The following POLR3E variants were observed in gnomAD, a reference collection of about 807,000 sequenced individuals.
The protein encoded by POLR3E is RNA polymerase III subunit E.
POLR3E carries 41 observed loss-of-function variants against 96.6 expected under a neutral mutation model. The ratio of observed to expected loss-of-function variants is 0.42; its 90% CI spans 0.33 to 0.55. The LOEUF is 0.55. Among genes scored for constraint, POLR3E ranks in the 20% least tolerant of loss-of-function variants. The pLI is 0.06. For synonymous variants in POLR3E, 396 were observed against 383.6 expected (o/e 1.03, Z -0.38); for missense variants, 849 against 952.1 (o/e 0.89, Z 1.43).
chr16:22,327,840 T>G (rs2048636448), intron 18 of POLR3E: 1 of 152,256 alleles, frequency 6.6e-6, no homozygotes, highest in Non-Finnish European at 1.5e-5. Context: ...TGCAAATGTG[T>G]ATTGGAGGCC....
Position 22,317,209 on chromosome 16 carries a change from G to A in POLR3E, c.865+3G>A. Reference sequence around the variant, plus strand: ...GATCAAGATCCTGATGAAGAATGGTGGGTGCCTACCCCCTGCCCACCCGGG... The same window carrying A: ...GATCAAGATCCTGATGAAGAATGGTAGGTGCCTACCCCCTGCCCACCCGGG... On this transcript the variant is annotated splice_donor_region_variant and intron_variant, in intron 12 of 20. Transcript: ENST00000299853. 1.2e-6 allele frequency: 2 copies of A among 1,609,926 alleles called. No homozygotes were observed. Among genetic ancestry groups the A allele is most frequent in the South Asian group, 1.1e-5 (1 of 91,040 alleles).
Position 22,333,672 on chromosome 16 carries a change from GGTACCTT to G in POLR3E, c.2100_2106del (p.Trp700Ter). Reference sequence around the variant, plus strand: ...TGCTGTGTAAGCTATGGTGGCATGTGGTACCTTAAAGGGACAGTACAGTCTTGACAAT... The same window carrying G: ...TGCTGTGTAAGCTATGGTGGCATGTGAAAGGGACAGTACAGTCTTGACAAT... On this transcript the variant is annotated frameshift_variant, in exon 21 of 21. Transcript: ENST00000299853. LOFTEE classifies it high-confidence loss of function. 2 of 1,611,562 alleles carry G rather than the reference GGTACCTT, an allele frequency of 1.2e-6. No individual in the cohort carries two copies. Among genetic ancestry groups the G allele is most frequent in the Non-Finnish European group, 1.7e-6 (2 of 1,177,726 alleles).
chr16:22,319,690 T>G (rs1306023292), intron 13 of POLR3E, among the ~76,000 whole-genome samples: 5 of 152,176 alleles, frequency 3.3e-5, no homozygotes, highest in African/African-American at 1.2e-4. Flanking sequence ...TGAGCCACTG[T>G]GCCTGGCCGC....
Position 22,334,491 on chromosome 16 carries a change from C to T in POLR3E, c.*791C>T, listed in dbSNP as rs900248092. On this transcript the variant is annotated 3_prime_UTR_variant, in exon 21 of 21. Transcript: ENST00000299853. ...GTTACAGGAAGGCGATCTTGTTGGG[C>T]TCAGCGTTACGTGTATCTAGAGGGA... The T allele has an allele frequency of 1.3e-5, 2 of 152,146 alleles. No individual in the cohort carries two copies. Among genetic ancestry groups the T allele is most frequent in the Admixed American group, 6.6e-5 (1 of 15,262 alleles). 9.4% of individuals were successfully genotyped at this position (152,146 alleles called of 1,614,324 possible).
In POLR3E at chr16:22,316,623, G is replaced by A. The variant is rs139996135; in HGVS notation, c.665G>A (p.Arg222His). Residue 222 changes from arginine to histidine, a missense_variant, in exon 10 of 21, where the codon CGT becomes CAT. Coordinates refer to ENST00000299853, the MANE Select transcript of POLR3E (RefSeq NM_018119.4). Reference protein sequence around the residue: ...GLRDSRSEHERQYLLCPGSSG... With the variant: ...GLRDSRSEHEHQYLLCPGSSG... ...CAGGACAGTCGCTCTGAGCATGAGC[G>A]TCAGTACCTGCTGTGCCCCGGCTCA... 1.6e-5 allele frequency: 26 copies of A among 1,613,880 alleles called. No homozygotes were observed. The African/African-American group carries it at 1.7e-4, about 11-fold the overall frequency.
rs533264135 is a variant in POLR3E, at chr16:22,299,563, A to T, written c.-39+2026A>T. Among the ~76,000 whole-genome samples the T allele has an allele frequency of 4.2e-4, 63 of 151,768 alleles. No individual in the cohort carries two copies. The East Asian group carries it at 0.011, about 26-fold the overall frequency. On this transcript the variant is annotated intron_variant, in intron 1 of 20. Transcript: ENST00000299853. The stretch of plus-strand genomic sequence containing the variant: ...CGAGTAGCTGGGATTACAGGCGTGC[A>T]TCACCACGCCTGGCTAATTTTTGTA...
At chr16:22,317,378 C>T (rs925617365) in intron 12 of POLR3E, among the ~76,000 whole-genome samples, 172 bp downstream of exon 12, 3 of 152,232 alleles carry the variant, frequency 2.0e-5, no homozygotes, top group Non-Finnish European at 2.9e-5. Flanking sequence ...GACGGCAGTG[C>T]GGCCAGCTCC....
intron 11 of POLR3E, 38 bp downstream of exon 11, chr16:22,317,077 G>C (rs561309510): frequency 6.2e-7 from 1 of 1,613,776 alleles, no homozygotes; most frequent in Non-Finnish European, 8.5e-7. Flanking sequence ...CCCTTTCCGG[G>C]CTGGCTGCCT....
intron 14 of POLR3E, among the ~76,000 whole-genome samples, chr16:22,324,141 G>A (rs1351131044): frequency 6.6e-6 from 1 of 152,036 alleles, no homozygotes; most frequent in Non-Finnish European, 1.5e-5. Context: ...GGTCCCCTTG[G>A]AAGAGATGGG....
intron 1 of POLR3E, 144 bp from the exon 2 acceptor site, chr16:22,302,787 T>C (rs745851713): frequency 1.1e-5 from 8 of 698,244 alleles, no homozygotes; most frequent in East Asian, 7.5e-5. Flanking sequence ...TGGTCATCCA[T>C]TGTTGACTTC....
chr16:22,308,483 G>A (rs956350737), intron 4 of POLR3E: 8 of 524,172 alleles, frequency 1.5e-5, no homozygotes, highest in South Asian at 8.5e-5. Context: ...AGACGAGGGC[G>A]GGCGGGTGAA....
chr16:22,316,045 A>G (rs772427081), intron 9 of POLR3E, among the ~76,000 whole-genome samples: 3 of 152,130 alleles, frequency 2.0e-5, no homozygotes, highest in Non-Finnish European at 4.4e-5. Flanking sequence ...ACCATGGGCC[A>G]GGGCTCCCAA....
chr16:22,303,375 G>A (rs535189128), intron 2 of POLR3E, among the ~76,000 whole-genome samples: 33 of 152,270 alleles, frequency 2.2e-4, no homozygotes, highest in East Asian at 3.9e-4. Flanking sequence ...CTGCTGTGCC[G>A]CAAAGCCGAG....
At chr16:22,301,953 C>A (rs539200888) in intron 1 of POLR3E, among the ~76,000 whole-genome samples, 45 of 151,960 alleles carry the variant, frequency 3.0e-4, no homozygotes, top group African/African-American at 1.0e-3. Context: ...TCATGCTAGT[C>A]TCACCCAAGA....
chr16:22,298,757 T>C (rs528393120), intron 1 of POLR3E, among the ~76,000 whole-genome samples: 12 of 152,354 alleles, frequency 7.9e-5, no homozygotes, highest in Non-Finnish European at 1.5e-4. Context: ...CATTTCCAAA[T>C]TGAAGATGAT....
chr16:22,316,721 C>G (rs780343863), intron 10 of POLR3E, 35 bp downstream of exon 10: 4 of 1,551,474 alleles, frequency 2.6e-6, no homozygotes, highest in Non-Finnish European at 3.6e-6. Flanking sequence ...AAACTGGATG[C>G]CTGCCCAGGG....
chr16:22,299,892 CG>C (rs975349756), intron 1 of POLR3E, among the ~76,000 whole-genome samples: 76 of 128,744 alleles, frequency 5.9e-4, no homozygotes, highest in African/African-American at 2.9e-3. Context: ...AAAGAGAGAC[CG>C]GGGGGCGGGG....
At chr16:22,324,722 G>A (rs2048542835) in intron 16 of POLR3E, 62 bp downstream of exon 16, 1 of 1,548,628 alleles carries the variant, frequency 6.5e-7, no homozygotes. Flanking sequence ...ATCCTGGGGA[G>A]CACTGTCAGG....
Position 22,322,745 on chromosome 16 carries a change from C to A in POLR3E, c.987-105C>A. On this transcript the variant is annotated intron_variant, in intron 13 of 20. Transcript: ENST00000299853. The surrounding 1 kb of genome is among the most constrained non-coding windows in gnomAD (Gnocchi z 5.2). ...AGGTCTTGGGGCTCAGGCCTGTACC[C>A]AGCCCACGGTGGAAAGAAGCATGGA... 1 of 767,676 alleles carries A rather than the reference C, an allele frequency of 1.3e-6. No individual in the cohort carries two copies. Among genetic ancestry groups the A allele is most frequent in the Non-Finnish European group, 2.2e-6 (1 of 451,192 alleles). The allele number at this position is 767,676 out of a possible 1,614,324, so 47.6% of individuals were successfully genotyped here. A position where few individuals can be genotyped will look rare whatever the true frequency, so the allele number is the denominator to read the frequency against.
Sources: allele counts gnomAD v4.1 joint callset (sites outside exome capture counted in the v4.1 genomes callset), GRCh38; gene constraint gnomAD v4.1.1; non-coding constraint Gnocchi (gnomAD v3.1); transcripts MANE v1.5; gene names NCBI Gene and HGNC (gene_info 2026-07-23, HGNC 2026-07-21).